Variants in DAPK2 observed in about 807,000 individuals in gnomAD.
DAPK2 encodes death-associated protein kinase 2.
In DAPK2, 35 loss-of-function variants were observed where a neutral mutation model predicts 44.1. The observed-to-expected ratio is 0.79, with a 90% CI of 0.61 to 1.05. DAPK2 has a LOEUF of 1.05. DAPK2 is among the 50% of genes least tolerant of loss of function. The probability of loss-of-function intolerance (pLI) is 0.00; values close to 1 mark genes in which losing one functional copy is unlikely to be tolerated. For missense variants in DAPK2, 453 were observed against 483.2 expected (o/e 0.94, Z 0.59); for synonymous variants, 174 against 182.6 (o/e 0.95, Z 0.38).
chr15:63,985,443 C>A (rs922182), intron 1 of DAPK2, among the ~76,000 whole-genome samples: 1 of 152,046 alleles, frequency 6.6e-6, no homozygotes. Flanking sequence ...AACACTTGAC[C>A]GAGCTTCCAG....
At chr15:63,953,679 TTTTTTGA>T (rs2077649150) in intron 3 of DAPK2, among the ~76,000 whole-genome samples, 1 of 152,196 alleles carries the variant, frequency 6.6e-6, no homozygotes, top group African/African-American at 2.4e-5. Context: ...CTATTTTTAG[TTTTTTGA>T]GGAACCTCCA....
intron 1 of DAPK2, among the ~76,000 whole-genome samples, chr15:64,026,228 G>T (rs1008306070): frequency 1.3e-5 from 2 of 152,066 alleles, no homozygotes; most frequent in African/African-American, 4.8e-5. Context: ...AGGTGATAGG[G>T]TAACTCTTTT....
intron 3 of DAPK2, among the ~76,000 whole-genome samples, chr15:63,958,834 T>G (rs2077803480): frequency 1.3e-5 from 2 of 152,182 alleles, no homozygotes. Context: ...CTTGACAATG[T>G]GGGGTCTTTT....
intron 1 of DAPK2, among the ~76,000 whole-genome samples, chr15:63,992,718 T>C (rs183717056): frequency 2.0e-4 from 30 of 152,278 alleles, no homozygotes; most frequent in Non-Finnish European, 2.9e-5. Flanking sequence ...TTCCTCCTTG[T>C]GGGAGCACAG....
intron 1 of DAPK2, among the ~76,000 whole-genome samples, chr15:64,032,098 G>T (rs2080032619): frequency 6.6e-6 from 1 of 152,216 alleles, no homozygotes; most frequent in African/African-American, 2.4e-5. Context: ...GGACACCACA[G>T]TAGAGGAGAC....
chr15:63,971,521 C>T lies in DAPK2; in HGVS notation c.355G>A (p.Glu119Lys), dbSNP rs777810869. 4 of 1,614,206 alleles carry T rather than the reference C, an allele frequency of 2.5e-6. No individual in the cohort carries two copies. The Admixed American group carries it at 6.7e-5, about 27-fold the overall frequency. ...GTGGCCTCCTCCTCACTCAGTGACT[C>T]CTTCTGGGCCAGGAAATCGAAGAGC... The change falls in exon 3 of 11, where the codon GAG (glutamate) becomes AAG (lysine). Residue 119 changes from glutamate (E) to lysine (K), a missense_variant. By Grantham distance (56) the Glu-to-Lys change is moderately conservative (BLOSUM62 1). Transcript: ENST00000261891.
chr15:63,952,754 G>A (rs1457059509), intron 3 of DAPK2, among the ~76,000 whole-genome samples: 1 of 152,006 alleles, frequency 6.6e-6, no homozygotes, highest in African/African-American at 2.4e-5. Flanking sequence ...ATCATATCAG[G>A]ATGAACAGGG....
At chr15:63,925,481 C>G (rs1482188083) in intron 7 of DAPK2, among the ~76,000 whole-genome samples, 1 of 152,064 alleles carries the variant, frequency 6.6e-6, no homozygotes, top group Non-Finnish European at 1.5e-5. Context: ...TCACCCTGGC[C>G]CCTGGAGAAG....
rs1465639517 is a variant in DAPK2, at chr15:64,016,776, G to A, written c.92+23394C>T. On this transcript the variant is annotated intron_variant, in intron 1 of 10. Coordinates refer to ENST00000261891, the Ensembl canonical transcript of DAPK2. ...CTACTGAGTTCTAGTCTGGGTGGCA[G>A]AGAAGAAAGAAAGGAGGAAAGAAAG... 2.0e-5 allele frequency among the ~76,000 whole-genome samples: 3 copies of A among 150,644 alleles called. No individual in the cohort carries two copies. In the South Asian group the frequency reaches 6.4e-4, roughly 32 times the overall value.
chr15:63,940,760 T>C (rs1467290278), intron 3 of DAPK2, among the ~76,000 whole-genome samples: 1 of 151,882 alleles, frequency 6.6e-6, no homozygotes, highest in African/African-American at 2.4e-5. Context: ...TAAAAAGGAA[T>C]GAAGTACTGA....
At chr15:63,949,259 G>C (rs555238883) in intron 3 of DAPK2, among the ~76,000 whole-genome samples, 3 of 152,292 alleles carry the variant, frequency 2.0e-5, no homozygotes, top group Non-Finnish European at 4.4e-5. Flanking sequence ...CTGACCTCCT[G>C]TTGCCCTACT....
exon 6 of DAPK2, chr15:63,929,565 G>A: frequency 6.2e-7 from 1 of 1,614,174 alleles, no homozygotes; most frequent in Non-Finnish European, 8.5e-7. Context: ...TGTAGGTGAT[G>A]ACGCCTATGC....
rs370523706 is a variant in DAPK2, at chr15:64,006,054, AC to A, written c.93-22301del. ...CCTGACTCAAAAAAAAAAAAAAAAA[AC>A]CCCACAAAAAACCCTCTGCAACACG... is the stretch of plus-strand genomic sequence containing the variant. On this transcript the variant is annotated intron_variant, in intron 1 of 10. Transcript: ENST00000261891. 1.8e-4 allele frequency among the ~76,000 whole-genome samples: 27 copies of A among 148,634 alleles called. 1 individual carries two copies. The highest frequency in any genetic ancestry group is 3.5e-3 in the Middle Eastern group (1 of 288).
At chr15:63,971,333 C>G in intron 3 of DAPK2, 90 bp downstream of exon 4, 2 of 1,465,784 alleles carry the variant, frequency 1.4e-6, no homozygotes, top group Middle Eastern at 1.8e-4. Context: ...AAGGGCTGGT[C>G]GGCACTGGGC....
intron 8 of DAPK2, chr15:63,919,707 C>T (rs1298011453): frequency 6.6e-6 from 1 of 152,102 alleles, no homozygotes; most frequent in Non-Finnish European, 1.5e-5. Flanking sequence ...GCTGGTCTCA[C>T]ACTCCTGACC....
At chr15:63,919,107 G>C (rs1240726450) in intron 8 of DAPK2, 1 of 152,198 alleles carries the variant, frequency 6.6e-6, no homozygotes, top group Non-Finnish European at 1.5e-5. Flanking sequence ...CCAATGCCAT[G>C]GAAGGACGGG....
rs370082957 is a variant in DAPK2 at position 63,988,409 on chromosome 15, TG to T, written c.93-4656del. Among the ~76,000 whole-genome samples, 38 of 152,244 alleles carry T rather than the reference TG, an allele frequency of 2.5e-4. No individual in the cohort carries two copies. The East Asian group carries it at 4.4e-3, about 18-fold the overall frequency. Reference sequence around the variant, plus strand: ...AATCCCCACCCCCCAAAGTCTTCACTGTCAAGGGTAAATAAACAGGGCATGA... The same window carrying T: ...AATCCCCACCCCCCAAAGTCTTCACTTCAAGGGTAAATAAACAGGGCATGA... On this transcript the variant is annotated intron_variant, in intron 1 of 10. Transcript: ENST00000261891.
intron 2 of DAPK2, among the ~76,000 whole-genome samples, chr15:63,978,778 T>C (rs533116841): frequency 6.6e-6 from 1 of 152,300 alleles, no homozygotes; most frequent in South Asian, 2.1e-4. Flanking sequence ...AGCTTTAAGA[T>C]GAAAAACAAA....
intron 3 of DAPK2, among the ~76,000 whole-genome samples, chr15:63,946,826 C>T (rs2077460978): frequency 6.6e-6 from 1 of 152,208 alleles, no homozygotes; most frequent in Non-Finnish European, 1.5e-5. Context: ...GACAAGGAAG[C>T]TGCCTACCAA....
Sources: allele counts gnomAD v4.1 joint callset (sites outside exome capture counted in the v4.1 genomes callset), GRCh38; gene constraint gnomAD v4.1.1; transcripts MANE v1.5; gene names NCBI Gene and HGNC (gene_info 2026-07-23, HGNC 2026-07-21).